TBC1D23: variants seen among roughly 807,000 people sequenced by gnomAD.
The protein encoded by TBC1D23 is HCV non-structural protein 4A-transactivated protein 1.
In TBC1D23, 55 loss-of-function variants were observed where a neutral mutation model predicts 91.4. That is an observed-to-expected ratio of 0.60 (90% CI 0.48 to 0.75). The LOEUF (loss-of-function observed/expected upper bound fraction) is 0.75. TBC1D23 is among the 30% of genes least tolerant of loss of function. TBC1D23 has a pLI of 0.00. For missense variants in TBC1D23, 725 were observed against 836.1 expected, an observed-to-expected ratio of 0.87 and a Z score of 1.64; for synonymous variants, 289 against 281.0, an observed-to-expected ratio of 1.03 and a Z score of -0.28.
At chr3:100,262,008 A>G (rs1291195271) in intron 1 of TBC1D23, among the ~76,000 whole-genome samples, 1 of 152,228 alleles carries the variant, frequency 6.6e-6, no homozygotes, top group Admixed American at 6.5e-5. Flanking sequence ...CAGGACATTG[A>G]TAGACATCGA....
intron 18 of TBC1D23, among the ~76,000 whole-genome samples, chr3:100,322,513 T>C (rs1371105206): frequency 6.6e-6 from 1 of 152,244 alleles, no homozygotes; most frequent in Non-Finnish European, 1.5e-5. Flanking sequence ...TGTTTCACTA[T>C]TAATCTTCTA....
intron 8 of TBC1D23, among the ~76,000 whole-genome samples, chr3:100,296,585 C>T (rs956836637): frequency 2.6e-5 from 4 of 151,996 alleles, no homozygotes; most frequent in African/African-American, 4.8e-5. Context: ...CAGGGCCGGG[C>T]GTGGTGGCTC....
Position 100,291,793 on chromosome 3 carries a change from T to TGC in TBC1D23, c.600+1092_600+1093insGC, listed in dbSNP as rs2067793034. Reference sequence around the variant, plus strand: ...ATGGATTATCATATCTGCTTTTTTTTTTCTTTTTTTTTTTTTTTGAGATGG... The same window carrying TGC: ...ATGGATTATCATATCTGCTTTTTTTTGCTTCTTTTTTTTTTTTTTTGAGATGG... On this transcript the variant is annotated intron_variant, in intron 5 of 18. Coordinates refer to ENST00000394144, the MANE Select transcript of TBC1D23 (RefSeq NM_001199198.3). Among the ~76,000 whole-genome samples, 5 of 139,474 alleles carry TGC rather than the reference T, an allele frequency of 3.6e-5. No homozygotes were observed. In the South Asian group the frequency reaches 7.2e-4, roughly 20 times the overall value. The allele number at this position is 139,474 out of a possible 152,430, so 91.5% of individuals were successfully genotyped here. A position where few individuals can be genotyped will look rare whatever the true frequency, so the allele number is the denominator to read the frequency against.
At chr3:100,315,830 T>C (rs1705734137) in intron 15 of TBC1D23, 1 of 447,982 alleles carries the variant, frequency 2.2e-6, no homozygotes, top group Non-Finnish European at 4.1e-6. Flanking sequence ...GGTTTTAATA[T>C]GGATATTGAA....
intron 5 of TBC1D23, among the ~76,000 whole-genome samples, chr3:100,293,057 G>A (rs935523544): frequency 3.9e-5 from 6 of 152,182 alleles, no homozygotes; most frequent in Non-Finnish European, 1.5e-5. Flanking sequence ...CGTGCTGATA[G>A]CTGGAGGTTT....
In TBC1D23 at chr3:100,323,811, T is replaced by C. The variant is rs1705907197; in HGVS notation, c.*143T>C. The C allele has an allele frequency of 3.1e-6, 1 of 322,608 alleles. No individual in the cohort carries two copies. The highest frequency in any genetic ancestry group is 5.7e-6 in the Non-Finnish European group (1 of 175,830). 20.0% of individuals were successfully genotyped at this position (322,608 alleles called of 1,614,324 possible). On this transcript the variant is annotated 3_prime_UTR_variant, in exon 19 of 19. Coordinates refer to ENST00000394144, the MANE Select transcript of TBC1D23 (RefSeq NM_001199198.3). The stretch of plus-strand genomic sequence containing the variant: ...AGGTCTAAGAAAGTGTAAATTATTA[T>C]AATCAATCTGTGGACAGTAAACTTT...
Position 100,323,719 on chromosome 3 carries a change from GAC to G in TBC1D23, c.*53_*54del. On this transcript the variant is annotated 3_prime_UTR_variant, in exon 19 of 19. Transcript: ENST00000394144. Reference sequence around the variant, plus strand: ...AATTAAGACAACCAAGAGAAACATGGACATATACCTCCTGACTGAATACTAAC... The same window carrying G: ...AATTAAGACAACCAAGAGAAACATGGATATACCTCCTGACTGAATACTAAC... 1 of 926,734 alleles carries G rather than the reference GAC, an allele frequency of 1.1e-6. No homozygotes were observed. Among genetic ancestry groups the G allele is most frequent in the Non-Finnish European group, 1.5e-6 (1 of 656,974 alleles). 57.4% of individuals were successfully genotyped at this position (926,734 alleles called of 1,614,324 possible). A position where few individuals can be genotyped will look rare whatever the true frequency, so the allele number is the denominator to read the frequency against.
chr3:100,310,197 C>T (rs1017046978), intron 13 of TBC1D23, among the ~76,000 whole-genome samples: 7 of 152,184 alleles, frequency 4.6e-5, no homozygotes, highest in African/African-American at 1.7e-4. Flanking sequence ...GATTAGAGAC[C>T]ACCTGAAGAC....
Position 100,321,389 on chromosome 3 carries a change from C to T in TBC1D23, c.2018+418C>T, listed in dbSNP as rs75502752. On this transcript the variant is annotated intron_variant, in intron 18 of 18. Coordinates refer to ENST00000394144, the MANE Select transcript of TBC1D23 (RefSeq NM_001199198.3). ...AGGTAATTTACAGCCTGGTACAAGC[C>T]CCCCTTTGTCTCATTGTGGGTCACT... Among the ~76,000 whole-genome samples, 783 of 152,188 alleles carry T rather than the reference C, an allele frequency of 5.1e-3. 12 individuals carry two copies. Among genetic ancestry groups the T allele is most frequent in the African/African-American group, 0.017 (715 of 41,534 alleles).
chr3:100,283,261 C>T (rs2067710410), intron 3 of TBC1D23, among the ~76,000 whole-genome samples: 1 of 151,962 alleles, frequency 6.6e-6, no homozygotes, highest in South Asian at 2.1e-4. Context: ...GTAATCCTGG[C>T]TACTCGGGAG....
At chr3:100,303,332 C>T (rs1195817519) in intron 11 of TBC1D23, among the ~76,000 whole-genome samples, 4 of 152,040 alleles carry the variant, frequency 2.6e-5, no homozygotes, top group Non-Finnish European at 5.9e-5. Flanking sequence ...CCTTGAAAAG[C>T]AAAATCAGAG....
intron 11 of TBC1D23, among the ~76,000 whole-genome samples, chr3:100,302,620 T>C (rs1186199021): frequency 6.6e-6 from 1 of 152,230 alleles, no homozygotes; most frequent in African/African-American, 2.4e-5. Context: ...GGAGTCTTGC[T>C]CTGTCGCCCA....
At chr3:100,299,171 G>A (rs1258759767) in intron 9 of TBC1D23, 68 bp from the exon 10 acceptor site, 1 of 1,003,724 alleles carries the variant, frequency 1.0e-6, no homozygotes, top group African/African-American at 1.6e-5. Flanking sequence ...GGTTAACTGT[G>A]AATATTATGT....
intron 2 of TBC1D23, among the ~76,000 whole-genome samples, chr3:100,281,125 A>G (rs1015780460): frequency 1.3e-5 from 2 of 152,136 alleles, no homozygotes; most frequent in Non-Finnish European, 1.5e-5. Context: ...TCGTGCCACT[A>G]TGCTCCAGCC....
At chr3:100,278,724 A>G (rs1051421490) in intron 1 of TBC1D23, among the ~76,000 whole-genome samples, 5 of 152,168 alleles carry the variant, frequency 3.3e-5, no homozygotes, top group African/African-American at 1.2e-4. Flanking sequence ...GCTAGAAAAC[A>G]ATGTATACTT....
chr3:100,308,213 C>T (rs961245044), intron 13 of TBC1D23, among the ~76,000 whole-genome samples: 2 of 152,210 alleles, frequency 1.3e-5, no homozygotes, highest in South Asian at 2.1e-4. Context: ...CAGTGGCTCA[C>T]GCCTGTAATC....
chr3:100,277,406 T>A (rs975696830), intron 1 of TBC1D23, among the ~76,000 whole-genome samples: 1 of 152,226 alleles, frequency 6.6e-6, no homozygotes, highest in East Asian at 1.9e-4. Flanking sequence ...AAAGGAGCCC[T>A]TGCTCATGGT....
chr3:100,322,344 T>C lies in TBC1D23; in HGVS notation c.2019-1243T>C, dbSNP rs1179805908. Among the ~76,000 whole-genome samples the C allele has an allele frequency of 3.3e-5, 5 of 152,108 alleles. No individual in the cohort carries two copies. The East Asian group carries it at 7.7e-4, about 23-fold the overall frequency. The stretch of plus-strand genomic sequence containing the variant: ...TCCTGACCTCGTGATCCACCCACCT[T>C]GGCCTCCCAAAGTGCTGAGATTACA... On this transcript the variant is annotated intron_variant, in intron 18 of 18. Coordinates refer to ENST00000394144, the MANE Select transcript of TBC1D23 (RefSeq NM_001199198.3).
intron 4 of TBC1D23, among the ~76,000 whole-genome samples, chr3:100,286,645 G>A (rs1300070695): frequency 6.6e-6 from 1 of 151,936 alleles, no homozygotes; most frequent in East Asian, 1.9e-4. Context: ...TCACAGGCAT[G>A]TGCGACCATA....
Sources: allele counts gnomAD v4.1 joint callset (sites outside exome capture counted in the v4.1 genomes callset), GRCh38; gene constraint gnomAD v4.1.1; transcripts MANE v1.5; gene names NCBI Gene and HGNC (gene_info 2026-07-23, HGNC 2026-07-21).